The following KASH5 variants were observed in gnomAD, a reference collection of about 807,000 sequenced individuals.
The protein encoded by KASH5 is KASH domain containing 5.
KASH5 carries 72 observed loss-of-function variants against 84.2 expected under a neutral mutation model. The observed-to-expected ratio is 0.85, with a 90% CI of 0.71 to 1.04. KASH5 has a LOEUF of 1.04. Ranked by LOEUF, KASH5 falls within the 50% of genes least tolerant of loss-of-function variation. The pLI, the probability that KASH5 is intolerant of heterozygous loss-of-function variation, is 0.00. For synonymous variants in KASH5, 260 were observed against 279.1 expected, an observed-to-expected ratio of 0.93 and a Z score of 0.68; for missense variants, 650 against 701.0, an observed-to-expected ratio of 0.93 and a Z score of 0.82.
Position 49,406,909 on chromosome 19 carries a change from G to T in KASH5, c.822G>T (p.Arg274=), listed in dbSNP as rs531766681. The T allele has an allele frequency of 6.2e-7, 1 of 1,606,432 alleles. No individual in the cohort carries two copies. The highest frequency in any genetic ancestry group is 1.3e-5 in the African/African-American group (1 of 74,890). The change falls in exon 10 of 20, where the codon CGG becomes CGT. Residue 274 remains arginine (R), a synonymous_variant. Transcript: ENST00000447857. ...AGAACGGGAAGCTGCTTGCCGAGCG[G>T]GATGGAGTGAAAAAGAGAAGTCAGG... ...QEENGKLLAE[R]DGVKKRSQEL...
At position 49,399,552 on chromosome 19, in the gene KASH5, A is replaced by C. The variant is rs775754876; in HGVS notation, c.798+45A>C. Reference sequence around the variant, plus strand: ...CACCCCCACCCCTTCCCCAGTCCTTAAGGTCTTCTTGACACCACTCCCTTC... The same window carrying C: ...CACCCCCACCCCTTCCCCAGTCCTTCAGGTCTTCTTGACACCACTCCCTTC... On this transcript the variant is annotated intron_variant, in intron 9 of 19. Coordinates refer to ENST00000447857, the MANE Select transcript of KASH5 (RefSeq NM_144688.5). The surrounding 1 kb of genome is among the most constrained non-coding windows in gnomAD (Gnocchi z 4.4). 1 of 1,575,384 alleles carries C rather than the reference A, an allele frequency of 6.3e-7. No homozygotes were observed. The highest frequency in any genetic ancestry group is 8.6e-7 in the Non-Finnish European group (1 of 1,160,288).
In KASH5 at chr19:49,392,295, A is replaced by G. The variant is rs1448840203; in HGVS notation, c.43+1369A>G. Among the ~76,000 whole-genome samples the G allele has an allele frequency of 3.3e-5, 5 of 152,200 alleles. No individual in the cohort carries two copies. The South Asian group carries it at 8.3e-4, about 25-fold the overall frequency. ...ACAGGGAAGAAAACGGGGACAAGCG[A>G]CATGGAGGCAGAGAGACAGGACGTG... On this transcript the variant is annotated intron_variant, in intron 2 of 19. Transcript: ENST00000447857.
Position 49,416,986 on chromosome 19 carries a change from C to T in KASH5, c.1375-29C>T. 3 of 1,564,734 alleles carry T rather than the reference C, an allele frequency of 1.9e-6. No homozygotes were observed. The highest frequency in any genetic ancestry group is 2.6e-6 in the Non-Finnish European group (3 of 1,155,020). ...GCACCTCTCAGTCCAGAACCCGGTG[C>T]CTCCAACGCATCTCTTCTGTCCTTG... On this transcript the variant is annotated intron_variant, in intron 17 of 19. Coordinates refer to ENST00000447857, the MANE Select transcript of KASH5 (RefSeq NM_144688.5). The surrounding 1 kb of genome is among the most constrained non-coding windows in gnomAD (Gnocchi z 5.4).
chr19:49,411,103 C>A (rs979187110), intron 15 of KASH5, among the ~76,000 whole-genome samples: 1 of 151,868 alleles, frequency 6.6e-6, no homozygotes, highest in Admixed American at 6.6e-5. Flanking sequence ...CCATGTGTAG[C>A]TAAATTTTCT....
chr19:49,402,662 G>C (rs1054747116), intron 9 of KASH5, among the ~76,000 whole-genome samples: 1 of 152,166 alleles, frequency 6.6e-6, no homozygotes, highest in South Asian at 2.1e-4. Context: ...AGCTGAGATT[G>C]TGCCACCGCA....
chr19:49,392,899 G>A (rs1256157343), intron 2 of KASH5, among the ~76,000 whole-genome samples: 8 of 146,118 alleles, frequency 5.5e-5, no homozygotes, highest in Non-Finnish European at 1.2e-4. Flanking sequence ...GTGACACAGC[G>A]AGACTCCATC....
At position 49,416,902 on chromosome 19, in the gene KASH5, T is replaced by A. The variant is rs2122247887; in HGVS notation, c.1375-113T>A. 9.3e-7 allele frequency: 1 copy of A among 1,072,406 alleles called. No homozygotes were observed. Among genetic ancestry groups the A allele is most frequent in the African/African-American group, 1.6e-5 (1 of 63,728 alleles). 66.4% of individuals were successfully genotyped at this position (1,072,406 alleles called of 1,614,324 possible). On this transcript the variant is annotated intron_variant, in intron 17 of 19. Transcript: ENST00000447857. The surrounding 1 kb of genome is among the most constrained non-coding windows in gnomAD (Gnocchi z 5.4). ...GACCTGGCAGCAGAAGTGCACTCAC[T>A]TATCTCCTGAGCTCCACCACTTTCT...
chr19:49,392,989 C>G (rs910068769), intron 2 of KASH5, among the ~76,000 whole-genome samples: 3 of 151,740 alleles, frequency 2.0e-5, no homozygotes, highest in Non-Finnish European at 2.9e-5. Flanking sequence ...TGAGTCCACA[C>G]GCCCCTTCCC....
At chr19:49,396,529 C>T (rs555405296) in intron 5 of KASH5, among the ~76,000 whole-genome samples, 2 of 152,326 alleles carry the variant, frequency 1.3e-5, no homozygotes, top group East Asian at 1.9e-4. Context: ...GCTGGGATTA[C>T]AGGCGTGAGC....
Position 49,390,814 on chromosome 19 carries a change from T to C in KASH5, c.-70T>C. ...GAGTGCTCGGGCCAGCTGGTCCTTTTCCCATCCCTCCCCATGAAGGAGGGA... is the reference window on the plus strand; with the variant it reads ...GAGTGCTCGGGCCAGCTGGTCCTTTCCCCATCCCTCCCCATGAAGGAGGGA... On this transcript the variant is annotated 5_prime_UTR_variant, in exon 2 of 20. Coordinates refer to ENST00000447857, the MANE Select transcript of KASH5 (RefSeq NM_144688.5). The C allele has an allele frequency of 2.0e-6, 3 of 1,516,356 alleles. No individual in the cohort carries two copies. Among genetic ancestry groups the C allele is most frequent in the Non-Finnish European group, 2.7e-6 (3 of 1,126,350 alleles). The allele number at this position is 1,516,356 out of a possible 1,614,324, so 93.9% of individuals were successfully genotyped here. A position where few individuals can be genotyped will look rare whatever the true frequency, so the allele number is the denominator to read the frequency against.
In KASH5 at chr19:49,399,274, C is replaced by T. The variant is rs1974286072; in HGVS notation, c.747+132C>T. ...TTTCTCCCTCTCTCCAGGCCCTGCT[C>T]ACCCTAGACTTTTTCAAGCTTACCT... On this transcript the variant is annotated intron_variant, in intron 8 of 19. Transcript: ENST00000447857. This position sits in a 1 kb window ranked among gnomAD's most constrained non-coding sequence, Gnocchi z 4.4. The T allele has an allele frequency of 6.3e-6, 6 of 949,824 alleles. No individual in the cohort carries two copies. Among genetic ancestry groups the T allele is most frequent in the African/African-American group, 3.3e-5 (2 of 60,444 alleles). The allele number at this position is 949,824 out of a possible 1,614,324, so 58.8% of individuals were successfully genotyped here. A position where few individuals can be genotyped will look rare whatever the true frequency, so the allele number is the denominator to read the frequency against.
In KASH5 at chr19:49,413,023, T is replaced by A. The variant is rs373958970; in HGVS notation, c.1325T>A (p.Met442Lys). The change falls in exon 16 of 20, where the codon ATG becomes AAG. Residue 442 changes from methionine (M) to lysine (K), a missense_variant. Met to Lys is a moderately conservative substitution (Grantham distance 95). Coordinates refer to ENST00000447857, the MANE Select transcript of KASH5 (RefSeq NM_144688.5). Reference sequence around the variant, plus strand: ...GAAGAAGGAAGGAAGGAGCCATCCATGTGGTAAGGAGCTGAGCCATCCGTC... The same window carrying A: ...GAAGAAGGAAGGAAGGAGCCATCCAAGTGGTAAGGAGCTGAGCCATCCGTC... Reference protein sequence around the residue: ...HPEEGRKEPSMWLTRREEEED... With the variant: ...HPEEGRKEPSKWLTRREEEED... 1.9e-6 allele frequency: 3 copies of A among 1,612,614 alleles called. No homozygotes were observed. The highest frequency in any genetic ancestry group is 2.5e-6 in the Non-Finnish European group (3 of 1,179,804).
At chr19:49,397,073 A>G (rs1489416512) in intron 5 of KASH5, among the ~76,000 whole-genome samples, 1 of 151,836 alleles carries the variant, frequency 6.6e-6, no homozygotes, top group African/African-American at 2.4e-5. Flanking sequence ...AAAAAAAAAA[A>G]ATGGTGGTCA....
At chr19:49,402,410 A>T (rs974823476) in intron 9 of KASH5, among the ~76,000 whole-genome samples, 2 of 149,768 alleles carry the variant, frequency 1.3e-5, no homozygotes, top group African/African-American at 4.9e-5. Context: ...AAAAAAAGTA[A>T]ATAAAAGAAT....
chr19:49,394,588 G>A lies in KASH5; in HGVS notation c.148+8G>A, dbSNP rs988643974. The A allele has an allele frequency of 1.2e-5, 20 of 1,605,732 alleles. No homozygotes were observed. The highest frequency in any genetic ancestry group is 1.7e-5 in the Non-Finnish European group (20 of 1,172,888). On this transcript the variant is annotated splice_region_variant and intron_variant, in intron 3 of 19. Transcript: ENST00000447857. ...GTGACCCTCAGAGGACAGGTGGTGG[G>A]GGCATGAGGGGTGCTGGGGACCAGT...
rs1407617667 is a variant in KASH5, at chr19:49,390,828, A to T, written c.-56A>T. The T allele has an allele frequency of 2.1e-5, 32 of 1,546,100 alleles. No homozygotes were observed. Among genetic ancestry groups the T allele is most frequent in the Non-Finnish European group, 8.7e-7 (1 of 1,144,958 alleles). ...GCTGGTCCTTTTCCCATCCCTCCCC[A>T]TGAAGGAGGGAGGCTGGTAGCTTTG... On this transcript the variant is annotated 5_prime_UTR_variant, in exon 2 of 20. It removes an upstream start codon present in the reference 5' UTR. Transcript: ENST00000447857.
In KASH5 at chr19:49,395,094, G is replaced by T. The variant is rs933536747; in HGVS notation, c.149-12G>T. The T allele has an allele frequency of 3.8e-6, 6 of 1,594,528 alleles. No individual in the cohort carries two copies. The African/African-American group carries it at 8.1e-5, about 21-fold the overall frequency. On this transcript the variant is annotated splice_polypyrimidine_tract_variant and intron_variant, in intron 3 of 19. Coordinates refer to ENST00000447857, the MANE Select transcript of KASH5 (RefSeq NM_144688.5). This position sits in a 1 kb window ranked among gnomAD's most constrained non-coding sequence, Gnocchi z 4.4. ...CCTGCCCCAGACCCCCTCACTGCATGCTCTGTCACAGGCACTGTGGCTGTG... is the reference window on the plus strand; with the variant it reads ...CCTGCCCCAGACCCCCTCACTGCATTCTCTGTCACAGGCACTGTGGCTGTG...
chr19:49,407,717 CTT>C (rs1568619862), intron 12 of KASH5, 46 bp downstream of exon 12: 2 of 1,556,616 alleles, frequency 1.3e-6, no homozygotes, highest in South Asian at 2.4e-5. Context: ...CGCCACTTCT[CTT>C]TTGCCATCTC....
At chr19:49,402,942 GGGAAGAAGGTGGTC>G (rs1386367095) in intron 9 of KASH5, among the ~76,000 whole-genome samples, 2 of 151,892 alleles carry the variant, frequency 1.3e-5, no homozygotes, top group Admixed American at 6.6e-5. Flanking sequence ...GGTGGTCTCT[GGGAAGAAGGTGGTC>G]TCTGGGAGGT....
Sources: allele counts gnomAD v4.1 joint callset (sites outside exome capture counted in the v4.1 genomes callset), GRCh38; gene constraint gnomAD v4.1.1; non-coding constraint Gnocchi (gnomAD v3.1); transcripts MANE v1.5; gene names NCBI Gene and HGNC (gene_info 2026-07-23, HGNC 2026-07-21).